SLC2A12: variants seen among roughly 807,000 people sequenced by gnomAD.
SLC2A12 encodes solute carrier family 2, facilitated glucose transporter member 12.
Under a neutral mutation model 41.8 loss-of-function variants are expected in SLC2A12, and 23 were observed. That is an observed-to-expected ratio of 0.55 (90% CI 0.40 to 0.78). The LOEUF (loss-of-function observed/expected upper bound fraction) is 0.78. SLC2A12 is among the 30% of genes least tolerant of loss of function. The pLI, the probability that SLC2A12 is intolerant of heterozygous loss-of-function variation, is 0.00. For missense variants in SLC2A12, 654 were observed against 745.6 expected, an observed-to-expected ratio of 0.88 and a Z score of 1.43; for synonymous variants, 295 against 285.9, an observed-to-expected ratio of 1.03 and a Z score of -0.32.
intron 1 of SLC2A12, among the ~76,000 whole-genome samples, chr6:134,033,406 A>T (rs1255736127): frequency 6.6e-6 from 1 of 152,110 alleles, no homozygotes; most frequent in Non-Finnish European, 1.5e-5. Flanking sequence ...CTCTACCACA[A>T]GGAGAATTAG....
chr6:134,001,298 C>T (rs1776751409), intron 4 of SLC2A12, among the ~76,000 whole-genome samples: 1 of 152,042 alleles, frequency 6.6e-6, no homozygotes, highest in Non-Finnish European at 1.5e-5. Context: ...TCCCCAAAAA[C>T]CTATGGAAAT....
intron 1 of SLC2A12, among the ~76,000 whole-genome samples, chr6:134,032,058 G>A (rs1031229630): frequency 3.4e-4 from 51 of 152,044 alleles, no homozygotes; most frequent in Non-Finnish European, 2.2e-4. Flanking sequence ...CTGCCTTTTC[G>A]GGGTTGGGGG....
intron 2 of SLC2A12, among the ~76,000 whole-genome samples, chr6:134,024,417 T>C (rs1777086844): frequency 6.6e-6 from 1 of 152,250 alleles, no homozygotes; most frequent in Non-Finnish European, 1.5e-5. Context: ...TGTGCCTTGA[T>C]TAATAAATTT....
chr6:134,041,002 T>C (rs1777374783), intron 1 of SLC2A12, among the ~76,000 whole-genome samples: 1 of 152,224 alleles, frequency 6.6e-6, no homozygotes. Flanking sequence ...TGGCCAACTT[T>C]CTGATGTCTG....
intron 3 of SLC2A12, among the ~76,000 whole-genome samples, chr6:134,004,940 C>T (rs531315400): frequency 6.2e-4 from 95 of 152,278 alleles, no homozygotes; most frequent in African/African-American, 1.9e-3. Flanking sequence ...GCAGTTCACA[C>T]GGCAGCAGCT....
At chr6:133,994,349 G>A (rs575645292) in intron 4 of SLC2A12, among the ~76,000 whole-genome samples, 12 of 152,176 alleles carry the variant, frequency 7.9e-5, no homozygotes, top group Non-Finnish European at 1.6e-4. Context: ...GACATGTAGA[G>A]TAAGCAGTTG....
At chr6:134,036,143 A>G (rs1440027857) in intron 1 of SLC2A12, among the ~76,000 whole-genome samples, 2 of 152,238 alleles carry the variant, frequency 1.3e-5, no homozygotes, top group African/African-American at 4.8e-5. Flanking sequence ...CAGCCAGCTG[A>G]AAAGCATGCA....
Position 134,029,071 on chromosome 6 carries a change from C to A in SLC2A12, c.754G>T (p.Val252Leu). The A allele has an allele frequency of 6.2e-7, 1 of 1,614,232 alleles. No individual in the cohort carries two copies. The highest frequency in any genetic ancestry group is 8.5e-7 in the Non-Finnish European group (1 of 1,180,028). The change falls in exon 2 of 5, where the codon GTG (valine) becomes TTG (leucine). Residue 252 changes from valine (V) to leucine (L), a missense_variant. Coordinates refer to ENST00000275230, the MANE Select transcript of SLC2A12 (RefSeq NM_145176.3). The stretch of plus-strand genomic sequence containing the variant: ...TCATCTTTCAGGGAGGATTTGATCA[C>A]AGTGAGTTCCTCAGTTGTATCTGAG... ...ALSDTTEELT[V>L]IKSSLKDEYQ...
Position 134,029,323 on chromosome 6 carries a change from C to T in SLC2A12, c.502G>A (p.Val168Met), listed in dbSNP as rs762436023. ...ACAATCATCAGCTCATTCAGTGACACAAGAAGGCCTCTTCTGTGTTGAGGA... is the reference window on the plus strand; with the variant it reads ...ACAATCATCAGCTCATTCAGTGACATAAGAAGGCCTCTTCTGTGTTGAGGA... ...IAPQHRRGLL[V>M]SLNELMIVIG... is the part of the protein sequence containing the mutation. Residue 168 changes from valine (V) to methionine (M), a missense_variant, in exon 2 of 5, where the codon GTG becomes ATG. Physicochemically the swap from Val to Met is conservative, Grantham distance 21 (BLOSUM62 1). This residue lies in a region of SLC2A12 where 411 missense variants were observed against 412.1 expected (regional missense o/e 1.00). Coordinates refer to ENST00000275230, the MANE Select transcript of SLC2A12 (RefSeq NM_145176.3). 1.2e-6 allele frequency: 2 copies of T among 1,614,190 alleles called. No individual in the cohort carries two copies. The highest frequency in any genetic ancestry group is 1.1e-5 in the South Asian group (1 of 91,086).
intron 2 of SLC2A12, among the ~76,000 whole-genome samples, chr6:134,016,517 G>T (rs1247951128): frequency 6.6e-6 from 1 of 151,914 alleles, no homozygotes; most frequent in Non-Finnish European, 1.5e-5. Context: ...ATAATAAACT[G>T]CCCTTTGTCT....
At chr6:134,030,745 C>A (rs112407014) in intron 1 of SLC2A12, among the ~76,000 whole-genome samples, 6 of 152,152 alleles carry the variant, frequency 3.9e-5, no homozygotes, top group East Asian at 1.9e-4. Context: ...GAGCCTGGAG[C>A]GGTAGGACGG....
intron 1 of SLC2A12, among the ~76,000 whole-genome samples, chr6:134,041,704 A>G (rs1177444442): frequency 6.6e-6 from 1 of 152,176 alleles, no homozygotes; most frequent in Admixed American, 6.5e-5. Context: ...TTTACGGCCC[A>G]ATCTTATACA....
chr6:134,035,715 C>G (rs1042525296), intron 1 of SLC2A12, among the ~76,000 whole-genome samples: 1 of 152,158 alleles, frequency 6.6e-6, no homozygotes, highest in Non-Finnish European at 1.5e-5. Flanking sequence ...GGCATCACAC[C>G]TTTCTGTCTC....
intron 1 of SLC2A12, among the ~76,000 whole-genome samples, chr6:134,042,784 G>A (rs1298606814): frequency 6.6e-6 from 1 of 152,078 alleles, no homozygotes; most frequent in African/African-American, 2.4e-5. Flanking sequence ...GAGCAACATA[G>A]TAAGACTCTG....
chr6:134,019,757 C>A (rs1777016755), intron 2 of SLC2A12, among the ~76,000 whole-genome samples: 1 of 152,190 alleles, frequency 6.6e-6, no homozygotes, highest in Non-Finnish European at 1.5e-5. Context: ...CGCAATGGCT[C>A]ATGCCTATAA....
At chr6:134,015,349 A>G (rs564997023) in intron 2 of SLC2A12, among the ~76,000 whole-genome samples, 11 of 152,308 alleles carry the variant, frequency 7.2e-5, no homozygotes, top group African/African-American at 2.6e-4. Flanking sequence ...CAGGAAGAAT[A>G]GCAAATGGAT....
chr6:133,994,232 T>C (rs905932644), intron 4 of SLC2A12, among the ~76,000 whole-genome samples: 7 of 152,162 alleles, frequency 4.6e-5, no homozygotes, highest in Non-Finnish European at 8.8e-5. Context: ...TCGGATAACA[T>C]TGACATCAAC....
intron 1 of SLC2A12, among the ~76,000 whole-genome samples, chr6:134,032,430 A>ATT (rs1777224499): frequency 2.5e-5 from 1 of 39,248 alleles, no homozygotes; most frequent in African/African-American, 9.5e-5. Context: ...ATATATTTAT[A>ATT]TATATATATA....
intron 4 of SLC2A12, among the ~76,000 whole-genome samples, chr6:134,001,119 G>A (rs931830414): frequency 6.7e-6 from 1 of 149,900 alleles, no homozygotes; most frequent in Non-Finnish European, 1.5e-5. Context: ...ATTGAGTAGA[G>A]CTTTAAAATG....
Sources: allele counts gnomAD v4.1 joint callset (sites outside exome capture counted in the v4.1 genomes callset), GRCh38; gene constraint gnomAD v4.1.1; regional missense constraint gnomAD v4.1.1; transcripts MANE v1.5; gene names NCBI Gene and HGNC (gene_info 2026-07-23, HGNC 2026-07-21).